Variants in SIK3 observed in about 807,000 individuals in gnomAD.
SIK3 encodes the protein SIK family kinase 3, also known as serine/threonine-protein kinase SIK3.
Under a neutral mutation model 144.2 loss-of-function variants are expected in SIK3, and 28 were observed. The observed-to-expected ratio is 0.19, with a 90% CI of 0.14 to 0.27. SIK3 has a LOEUF of 0.27. Ranked by LOEUF, SIK3 falls within the 10% of genes least tolerant of loss-of-function variation. SIK3 has a pLI of 1.00. For missense variants in SIK3, 1,319 were observed against 1,776.0 expected, an observed-to-expected ratio of 0.74 and a Z score of 4.62; for synonymous variants, 686 against 676.3, an observed-to-expected ratio of 1.01 and a Z score of -0.22.
At chr11:117,064,259 A>G (rs956836715) in intron 1 of SIK3, among the ~76,000 whole-genome samples, 3 of 152,210 alleles carry the variant, frequency 2.0e-5, no homozygotes, top group Admixed American at 2.0e-4. Context: ...TGTATTATCT[A>G]ATTTATAGTA....
chr11:117,077,838 T>C (rs918266982), intron 1 of SIK3, among the ~76,000 whole-genome samples: 2 of 152,228 alleles, frequency 1.3e-5, no homozygotes, highest in Non-Finnish European at 2.9e-5. Flanking sequence ...TCCAGAGTTA[T>C]TTTCAGTGTC....
At chr11:117,032,674 C>CTT (rs11300316) in intron 1 of SIK3, among the ~76,000 whole-genome samples, 5 of 139,908 alleles carry the variant, frequency 3.6e-5, no homozygotes, top group African/African-American at 5.1e-5. Flanking sequence ...CCCACCTTTT[C>CTT]TTTTTTTTTT....
intron 3 of SIK3, among the ~76,000 whole-genome samples, chr11:116,940,485 C>A (rs1948229273): frequency 6.6e-6 from 1 of 152,056 alleles, no homozygotes; most frequent in African/African-American, 2.4e-5. Context: ...CCCATCTCAG[C>A]CTCCCAAAGT....
intron 1 of SIK3, among the ~76,000 whole-genome samples, chr11:116,970,503 C>A (rs1419055784): frequency 6.6e-6 from 1 of 152,036 alleles, no homozygotes; most frequent in Non-Finnish European, 1.5e-5. Context: ...CTTTTATTTT[C>A]TCTTATCTGT....
chr11:116,917,846 G>GAAAGGAAAGGAAAGGAAAGA (rs1946745842), intron 4 of SIK3, among the ~76,000 whole-genome samples: 1 of 150,660 alleles, frequency 6.6e-6, no homozygotes, highest in Non-Finnish European at 1.5e-5. Flanking sequence ...GAAAGGAAAG[G>GAAAGGAAAGGAAAGGAAAGA]AAAGGAAAGG....
Position 116,849,141 on chromosome 11 carries a change from G to A in SIK3, c.3798C>T (p.Ile1266=). Residue 1266 remains isoleucine, a synonymous_variant, in exon 22 of 25, where the codon ATC becomes ATT. Transcript: ENST00000445177. The surrounding 1 kb of genome is among the most constrained non-coding windows in gnomAD (Gnocchi z 4.2). Reference sequence around the variant, plus strand: ...ATACATAAGCATCGTCGCTGTTCTGGATCGTGTGGTGTCTCTGGAGGGCCC... The same window carrying A: ...ATACATAAGCATCGTCGCTGTTCTGAATCGTGTGGTGTCTCTGGAGGGCCC... ...RPRALQRHHT[I]QNSDDAYVQL... is the part of the protein sequence containing the mutation. 6.2e-7 allele frequency: 1 copy of A among 1,608,242 alleles called. No individual in the cohort carries two copies.
chr11:116,964,521 C>T (rs1223489884), intron 1 of SIK3, among the ~76,000 whole-genome samples: 19 of 152,122 alleles, frequency 1.2e-4, no homozygotes, highest in Admixed American at 1.2e-3. Flanking sequence ...TCTACATGGC[C>T]AGCAAAGATA....
At chr11:117,072,925 C>T (rs922591214) in intron 1 of SIK3, among the ~76,000 whole-genome samples, 1 of 152,164 alleles carries the variant, frequency 6.6e-6, no homozygotes, top group Non-Finnish European at 1.5e-5. Context: ...TTGGACCTAG[C>T]ATTTATAAGC....
chr11:117,029,361 G>A (rs948163447), intron 1 of SIK3, among the ~76,000 whole-genome samples: 2 of 152,168 alleles, frequency 1.3e-5, no homozygotes, highest in Non-Finnish European at 2.9e-5. Flanking sequence ...GGAGGCTGAG[G>A]TGGAAGGATG....
intron 6 of SIK3, among the ~76,000 whole-genome samples, chr11:116,889,762 T>TG (rs1158965042): frequency 2.6e-5 from 4 of 152,080 alleles, no homozygotes; most frequent in African/African-American, 9.7e-5. Flanking sequence ...GTGGGCGTGG[T>TG]GGCGTGCGCC....
At chr11:116,881,183 G>T (rs1183894748) in intron 6 of SIK3, among the ~76,000 whole-genome samples, 1 of 152,090 alleles carries the variant, frequency 6.6e-6, no homozygotes, top group Non-Finnish European at 1.5e-5. Flanking sequence ...CCCATTATTT[G>T]CTCCCACCCA....
intron 1 of SIK3, among the ~76,000 whole-genome samples, chr11:117,047,926 T>C (rs184925371): frequency 1.9e-3 from 287 of 152,320 alleles, no homozygotes; most frequent in Admixed American, 3.9e-3. Flanking sequence ...ATGGTGAATG[T>C]AAAACACTGA....
chr11:117,026,810 A>G (rs757230041), intron 1 of SIK3, among the ~76,000 whole-genome samples: 1 of 152,188 alleles, frequency 6.6e-6, no homozygotes, highest in Non-Finnish European at 1.5e-5. Context: ...TGTCCCTTTC[A>G]TCAATCTAAA....
At chr11:116,918,290 C>T (rs914807216) in intron 4 of SIK3, among the ~76,000 whole-genome samples, 8 of 152,116 alleles carry the variant, frequency 5.3e-5, no homozygotes, top group East Asian at 1.9e-4. Flanking sequence ...AGGTCAGAAG[C>T]GCATGCCATC....
chr11:116,943,254 A>G (rs1948411244), intron 3 of SIK3, among the ~76,000 whole-genome samples: 1 of 152,170 alleles, frequency 6.6e-6, no homozygotes. Context: ...GTAATTAGCT[A>G]TTTGGCAAAA....
intron 4 of SIK3, among the ~76,000 whole-genome samples, chr11:116,915,679 C>T (rs1370363175): frequency 6.6e-6 from 1 of 151,866 alleles, no homozygotes; most frequent in Non-Finnish European, 1.5e-5. Flanking sequence ...TTCTTGAGGC[C>T]CTAGAAACAA....
chr11:116,855,973 G>A (rs1273286305), intron 21 of SIK3, among the ~76,000 whole-genome samples: 2 of 152,126 alleles, frequency 1.3e-5, no homozygotes, highest in African/African-American at 2.4e-5. Context: ...CAAGGCGTGC[G>A]GATCACGAGG....
intron 3 of SIK3, among the ~76,000 whole-genome samples, chr11:116,933,488 A>G (rs1435161677): frequency 1.3e-5 from 2 of 152,260 alleles, no homozygotes; most frequent in Non-Finnish European, 2.9e-5. Flanking sequence ...ATAGATGTAC[A>G]AGAGTTTCCT....
In SIK3 at chr11:117,016,454, AC is replaced by A. The variant is rs200975394; in HGVS notation, c.274-59391del. On this transcript the variant is annotated intron_variant, in intron 1 of 24. Transcript: ENST00000445177. ...AAGGAAGGAAGGAAGGAATCCCATG[AC>A]CTATCTATTTTTGGGTATATCCCCA... is the stretch of plus-strand genomic sequence containing the variant. Among the ~76,000 whole-genome samples the A allele has an allele frequency of 4.3e-3, 646 of 151,370 alleles. 10 individuals carry two copies. Among genetic ancestry groups the A allele is most frequent in the African/African-American group, 0.015 (608 of 41,014 alleles).
Sources: gnomAD v4.1 joint callset for allele counts (sites outside exome capture counted in the v4.1 genomes callset) on GRCh38, gnomAD v4.1.1 for gene constraint, Gnocchi (gnomAD v3.1) non-coding constraint, MANE v1.5 for transcripts, NCBI Gene and HGNC (gene_info 2026-07-23, HGNC 2026-07-21) for gene names.